TMEM39B: variants seen among roughly 807,000 people sequenced by gnomAD.
TMEM39B encodes transmembrane protein 39B.
TMEM39B carries 23 observed loss-of-function variants against 52.2 expected under a neutral mutation model. The ratio of observed to expected loss-of-function variants is 0.44; its 90% confidence interval spans 0.32 to 0.62. TMEM39B has a LOEUF of 0.62. TMEM39B is among the 20% of genes least tolerant of loss of function. The pLI is 0.06. For synonymous variants in TMEM39B, 285 were observed against 264.0 expected, an observed-to-expected ratio of 1.08 and a Z score of -0.77; for missense variants, 547 against 642.0, an observed-to-expected ratio of 0.85 and a Z score of 1.60.
At chr1:32,073,147 G>A in intron 1 of TMEM39B, 96 bp downstream of exon 1, 1 of 1,347,566 alleles carries the variant, frequency 7.4e-7, no homozygotes, top group Non-Finnish European at 9.6e-7. Flanking sequence ...ACAGGAGCCC[G>A]GTGACGGGAG....
chr1:32,102,129 C>A (rs573915463), intron 8 of TMEM39B, among the ~76,000 whole-genome samples: 1 of 152,160 alleles, frequency 6.6e-6, no homozygotes, highest in East Asian at 1.9e-4. Context: ...TGACTTTAGA[C>A]CACAAAAAGA....
chr1:32,094,790 C>T lies in TMEM39B; in HGVS notation c.934C>T (p.His312Tyr), dbSNP rs1390901724. Reference protein sequence around the residue: ...FVPVWFVKNTHYYDKRWSCEL... With the variant: ...FVPVWFVKNTYYYDKRWSCEL... The stretch of plus-strand genomic sequence containing the variant: ...CACCTTCTGCTACCCCCAGAACACA[C>T]ATTACTATGACAAGCGCTGGTCCTG... The change falls in exon 7 of 9, where the codon CAT (histidine) becomes TAT (tyrosine). Residue 312 changes from histidine (H) to tyrosine (Y), a missense_variant. Transcript: ENST00000336294. 3.1e-6 allele frequency: 5 copies of T among 1,614,114 alleles called. No homozygotes were observed. The highest frequency in any genetic ancestry group is 1.1e-5 in the South Asian group (1 of 91,094).
Position 32,076,772 on chromosome 1 carries a change from C to A in TMEM39B, c.361C>A (p.Leu121Met), listed in dbSNP as rs1639879880. ...PPSHTSLNFH[L>M]IDFNLLMVTT... ...CTCTGCCCCCTGACAGAACTTCCAT[C>A]TGATCGACTTCAACTTGCTGATGGT... Residue 121 changes from leucine (L) to methionine (M), a missense_variant, in exon 4 of 9, where the codon CTG (leucine) becomes ATG (methionine). Coordinates refer to ENST00000336294, the MANE Select transcript of TMEM39B (RefSeq NM_018056.4). The A allele has an allele frequency of 6.2e-7, 1 of 1,614,102 alleles. No homozygotes were observed. The highest frequency in any genetic ancestry group is 8.5e-7 in the Non-Finnish European group (1 of 1,180,004).
chr1:32,075,876 ATGTG>A, intron 3 of TMEM39B, 54 bp downstream of exon 3: 2 of 1,109,596 alleles, frequency 1.8e-6, no homozygotes, highest in East Asian at 3.1e-5. Context: ...GTGTGTGTGT[ATGTG>A]TGTGTGTGTT....
intron 5 of TMEM39B, among the ~76,000 whole-genome samples, chr1:32,087,999 G>A (rs1640438909): frequency 6.6e-6 from 1 of 151,030 alleles, no homozygotes; most frequent in South Asian, 2.1e-4. Context: ...GGTGGCGGGC[G>A]CCTGTAGTCC....
At chr1:32,086,766 CAAAA>C (rs894389649) in intron 5 of TMEM39B, among the ~76,000 whole-genome samples, 3 of 137,114 alleles carry the variant, frequency 2.2e-5, no homozygotes, top group African/African-American at 8.0e-5. Flanking sequence ...GGCCCTGTCT[CAAAA>C]AAAAAAAAAG....
chr1:32,100,584 G>T, intron 8 of TMEM39B, 22 bp downstream of exon 8: 1 of 1,614,144 alleles, frequency 6.2e-7, no homozygotes, highest in South Asian at 1.1e-5. Context: ...CCCCGGGGAA[G>T]GAGGGTTGGG....
intron 3 of TMEM39B, 104 bp downstream of exon 3, chr1:32,075,926 CCACTGTG>C: frequency 1.3e-6 from 1 of 746,060 alleles, no homozygotes; most frequent in Non-Finnish European, 2.1e-6. Context: ...CTACTAAGCA[CCACTGTG>C]CACTTGGCTC....
At chr1:32,088,373 C>T (rs1487369255) in intron 5 of TMEM39B, among the ~76,000 whole-genome samples, 1 of 151,726 alleles carries the variant, frequency 6.6e-6, no homozygotes, top group East Asian at 1.9e-4. Flanking sequence ...GCCAAGGTCT[C>T]GCCACTGCCC....
intron 5 of TMEM39B, among the ~76,000 whole-genome samples, chr1:32,079,272 C>T (rs1212862230): frequency 6.6e-6 from 1 of 151,506 alleles, no homozygotes; most frequent in Non-Finnish European, 1.5e-5. Context: ...GCAAGCTCCA[C>T]CTCCCGGGTT....
chr1:32,085,615 G>T (rs1640311744), intron 5 of TMEM39B, among the ~76,000 whole-genome samples: 1 of 151,972 alleles, frequency 6.6e-6, no homozygotes, highest in Non-Finnish European at 1.5e-5. Flanking sequence ...GCTGGGTGTG[G>T]TGGTGCATGC....
At chr1:32,098,589 T>C (rs970649535) in intron 7 of TMEM39B, among the ~76,000 whole-genome samples, 4 of 151,924 alleles carry the variant, frequency 2.6e-5, no homozygotes, top group African/African-American at 4.8e-5. Context: ...AAAAATTAGC[T>C]GGGCGCAGTG....
In TMEM39B at chr1:32,102,637, T is replaced by C; in HGVS notation, c.1443T>C (p.Ala481=). 2 of 1,607,192 alleles carry C rather than the reference T, an allele frequency of 1.2e-6. No homozygotes were observed. The highest frequency in any genetic ancestry group is 1.7e-6 in the Non-Finnish European group (2 of 1,175,956). Residue 481 remains alanine, a synonymous_variant, in exon 9 of 9, where the codon GCT becomes GCC. Transcript: ENST00000336294. ...LVLGKAYSYS[A]SPQRDLDHRF... ...TGGGCAAGGCCTACTCATACTCTGCTAGCCCCCAGAGAGACCTGGACCACC... is the reference window on the plus strand; with the variant it reads ...TGGGCAAGGCCTACTCATACTCTGCCAGCCCCCAGAGAGACCTGGACCACC...
At chr1:32,076,103 CTTTTTTTTTTTTTTTTT>C (rs1178215057) in intron 3 of TMEM39B, 1 of 76,112 alleles carries the variant, frequency 1.3e-5, no homozygotes, top group African/African-American at 5.3e-5. Context: ...TTCTTTTCTT[CTTTTTTTTTTTTTTTTT>C]TTTTTTTTGA....
At chr1:32,090,304 C>G (rs1640550153) in intron 5 of TMEM39B, among the ~76,000 whole-genome samples, 1 of 152,122 alleles carries the variant, frequency 6.6e-6, no homozygotes, top group African/African-American at 2.4e-5. Flanking sequence ...GGGTGCTGCT[C>G]AGGGGAAAGG....
chr1:32,084,066 TAAAATC>T (rs976485679), intron 5 of TMEM39B, among the ~76,000 whole-genome samples: 6 of 152,208 alleles, frequency 3.9e-5, no homozygotes, highest in African/African-American at 1.4e-4. Flanking sequence ...ATCAGTTACT[TAAAATC>T]ATAGCACATT....
In TMEM39B at chr1:32,093,399, C is replaced by CTTTTTTTTTTTTTTTTTT. The variant is rs34793281; in HGVS notation, c.928-1372_928-1355dup. On this transcript the variant is annotated intron_variant, in intron 6 of 8. Transcript: ENST00000336294. ...TAGCCATGAGCCACCAAGCCCGGCC[C>CTTTTTTTTTTTTTTTTTT]TTTTTTTTTTTTTTTTTTTTTTTTT... 4.0e-5 allele frequency among the ~76,000 whole-genome samples: 2 copies of CTTTTTTTTTTTTTTTTTT among 50,328 alleles called. 1 individual carries two copies. Among genetic ancestry groups the CTTTTTTTTTTTTTTTTTT allele is most frequent in the African/African-American group, 1.1e-4 (2 of 18,428 alleles). 33.0% of individuals were successfully genotyped at this position (50,328 alleles called of 152,430 possible).
In TMEM39B at chr1:32,076,748, TC is replaced by T. The variant is rs1360669695; in HGVS notation, c.352-14del. 1 of 1,613,970 alleles carries T rather than the reference TC, an allele frequency of 6.2e-7. No individual in the cohort carries two copies. Among genetic ancestry groups the T allele is most frequent in the African/African-American group, 1.3e-5 (1 of 74,918 alleles). Reference sequence around the variant, plus strand: ...AAGGGGCCCACATGACCCCCAGGCCTCTGCCCCCTGACAGAACTTCCATCTG... The same window carrying T: ...AAGGGGCCCACATGACCCCCAGGCCTTGCCCCCTGACAGAACTTCCATCTG... On this transcript the variant is annotated splice_polypyrimidine_tract_variant and intron_variant, in intron 3 of 8. Transcript: ENST00000336294.
intron 5 of TMEM39B, among the ~76,000 whole-genome samples, chr1:32,084,406 T>C (rs974568486): frequency 5.3e-5 from 8 of 152,160 alleles, no homozygotes; most frequent in African/African-American, 1.9e-4. Context: ...GCTTCCTGAA[T>C]CCCATGTCTT....
Sources: gnomAD v4.1 joint callset for allele counts (sites outside exome capture counted in the v4.1 genomes callset) on GRCh38, gnomAD v4.1.1 for gene constraint, MANE v1.5 for transcripts, NCBI Gene and HGNC (gene_info 2026-07-23, HGNC 2026-07-21) for gene names.